ZNF804B: variants seen among roughly 807,000 people sequenced by gnomAD.
The protein encoded by ZNF804B is zinc finger 804B.
In ZNF804B, 80 loss-of-function variants were observed where a neutral mutation model predicts 101.4. The ratio of observed to expected loss-of-function variants is 0.79; its 90% CI spans 0.66 to 0.95. ZNF804B has a LOEUF of 0.95. Among genes scored for constraint, ZNF804B ranks in the 40% least tolerant of loss-of-function variants. The pLI, the probability that ZNF804B is intolerant of heterozygous loss-of-function variation, is 0.00. For synonymous variants in ZNF804B, 622 were observed against 558.8 expected (o/e 1.11, Z -1.59); for missense variants, 1,673 against 1,561.9 (o/e 1.07, Z -1.20).
chr7:88,780,943 A>G (rs1790217520), intron 1 of ZNF804B, among the ~76,000 whole-genome samples: 1 of 152,160 alleles, frequency 6.6e-6, no homozygotes, highest in South Asian at 2.1e-4. Flanking sequence ...GTTCATGGGT[A>G]TGAATATTAA....
chr7:88,862,098 T>A (rs1023805204), intron 1 of ZNF804B, among the ~76,000 whole-genome samples: 4 of 152,200 alleles, frequency 2.6e-5, no homozygotes, highest in Non-Finnish European at 4.4e-5. Context: ...AATAACGTAC[T>A]CAGTTTAATA....
intron 1 of ZNF804B, among the ~76,000 whole-genome samples, chr7:89,099,961 T>C (rs1790029625): frequency 6.6e-6 from 1 of 152,130 alleles, no homozygotes; most frequent in Non-Finnish European, 1.5e-5. Context: ...GTCATATGGC[T>C]CATCTGAAAG....
At chr7:88,763,084 A>G (rs957346820) in intron 1 of ZNF804B, among the ~76,000 whole-genome samples, 4 of 152,118 alleles carry the variant, frequency 2.6e-5, no homozygotes, top group Admixed American at 6.6e-5. Context: ...GATATCTGAT[A>G]TCTGGATATT....
chr7:89,221,712 T>TTCTAG lies in ZNF804B; in HGVS notation c.249+3421_249+3422insGTCTA, dbSNP rs1188521653. On this transcript the variant is annotated intron_variant, in intron 2 of 3. Transcript: ENST00000333190. ...AATATTTCTATTCTATTCTATTCTA[T>TTCTAG]TCTATTCTATTCTATTCTATTCTAT... Among the ~76,000 whole-genome samples the TTCTAG allele has an allele frequency of 2.9e-4, 41 of 142,744 alleles. 1 individual carries two copies. The East Asian group carries it at 6.1e-3, about 21-fold the overall frequency. The allele number at this position is 142,744 out of a possible 152,430, so 93.6% of individuals were successfully genotyped here.
chr7:89,163,691 T>G (rs1791101471), intron 1 of ZNF804B, among the ~76,000 whole-genome samples: 1 of 152,118 alleles, frequency 6.6e-6, no homozygotes, highest in African/African-American at 2.4e-5. Flanking sequence ...TTTTAATAAT[T>G]TATGAATTTT....
intron 1 of ZNF804B, among the ~76,000 whole-genome samples, chr7:89,208,549 T>TA (rs749913725): frequency 1.3e-5 from 2 of 152,218 alleles, no homozygotes; most frequent in African/African-American, 2.4e-5. Flanking sequence ...AATAAAGCAG[T>TA]AGCTGCTGTT....
At chr7:88,781,701 T>C (rs1790228315) in intron 1 of ZNF804B, among the ~76,000 whole-genome samples, 1 of 152,090 alleles carries the variant, frequency 6.6e-6, no homozygotes, top group Admixed American at 6.6e-5. Flanking sequence ...CTAAACAAAC[T>C]ACTCAAAGTC....
chr7:89,267,122 T>A (rs1435843813), intron 2 of ZNF804B, among the ~76,000 whole-genome samples: 2 of 152,178 alleles, frequency 1.3e-5, no homozygotes, highest in African/African-American at 4.8e-5. Flanking sequence ...TATGTCCTTA[T>A]ATTCCCTCCT....
At chr7:89,195,894 A>T (rs974325604) in intron 1 of ZNF804B, among the ~76,000 whole-genome samples, 1 of 12,364 alleles carries the variant, frequency 8.1e-5, no homozygotes, top group Non-Finnish European at 2.0e-4. Flanking sequence ...ACTGCTCAAA[A>T]AATCAGAGAG....
chr7:89,216,818 C>T (rs1233684714), intron 1 of ZNF804B, among the ~76,000 whole-genome samples: 3 of 152,088 alleles, frequency 2.0e-5, no homozygotes, highest in African/African-American at 7.2e-5. Flanking sequence ...ACTTATGACC[C>T]GATTTCTTTC....
chr7:89,151,253 A>G (rs927860205), intron 1 of ZNF804B, among the ~76,000 whole-genome samples: 27 of 152,222 alleles, frequency 1.8e-4, no homozygotes, highest in Admixed American at 1.6e-3. Flanking sequence ...TATAATGGCC[A>G]TTGAACATTT....
intron 1 of ZNF804B, among the ~76,000 whole-genome samples, chr7:88,801,053 T>G (rs1790573067): frequency 6.6e-6 from 1 of 152,058 alleles, no homozygotes; most frequent in Non-Finnish European, 1.5e-5. Context: ...ATTTTTTATT[T>G]TATTTTATTT....
chr7:88,912,200 T>C (rs1163274915), intron 1 of ZNF804B, among the ~76,000 whole-genome samples: 1 of 152,046 alleles, frequency 6.6e-6, no homozygotes, highest in African/African-American at 2.4e-5. Context: ...TGCTAGTCTT[T>C]CTTACTCATT....
At chr7:88,897,659 A>G (rs1792310960) in intron 1 of ZNF804B, among the ~76,000 whole-genome samples, 1 of 152,186 alleles carries the variant, frequency 6.6e-6, no homozygotes, top group Non-Finnish European at 1.5e-5. Context: ...AGCTAAATTA[A>G]GGAATGTATT....
intron 1 of ZNF804B, among the ~76,000 whole-genome samples, chr7:88,972,032 A>G (rs2116113593): frequency 6.6e-6 from 1 of 151,692 alleles, no homozygotes; most frequent in East Asian, 2.0e-4. Context: ...AAATAAAAAC[A>G]AGATAAGGAA....
chr7:89,233,421 G>A (rs1187676073), intron 2 of ZNF804B, among the ~76,000 whole-genome samples: 1 of 152,080 alleles, frequency 6.6e-6, no homozygotes, highest in Admixed American at 6.5e-5. Context: ...TATTTTTTAT[G>A]AAATCCTCTT....
chr7:88,951,775 C>G (rs184136189), intron 1 of ZNF804B, among the ~76,000 whole-genome samples: 44 of 151,840 alleles, frequency 2.9e-4, no homozygotes, highest in African/African-American at 1.0e-3. Flanking sequence ...CAAAACAAAA[C>G]CCATTAATAT....
chr7:89,253,259 A>G (rs1049868628), intron 2 of ZNF804B, among the ~76,000 whole-genome samples: 1 of 152,162 alleles, frequency 6.6e-6, no homozygotes, highest in African/African-American at 2.4e-5. Flanking sequence ...TTAAGCATAA[A>G]AAACTAAAAT....
intron 1 of ZNF804B, among the ~76,000 whole-genome samples, chr7:88,765,875 G>A (rs967995163): frequency 7.1e-6 from 1 of 140,352 alleles, no homozygotes; most frequent in South Asian, 2.2e-4. Context: ...TCCAAGTTAC[G>A]TAGTCTCTCT....
Sources: gnomAD v4.1 joint callset for allele counts (sites outside exome capture counted in the v4.1 genomes callset) on GRCh38, gnomAD v4.1.1 for gene constraint, MANE v1.5 for transcripts, NCBI Gene and HGNC (gene_info 2026-07-23, HGNC 2026-07-21) for gene names.